Variants in MINDY2 observed in about 807,000 individuals in gnomAD.
MINDY2 encodes MINDY lysine 48 deubiquitinase 2.
A neutral mutation model predicts 68.2 loss-of-function variants in MINDY2; 52 were observed. That is an observed-to-expected ratio of 0.76 (90% CI 0.61 to 0.96). The LOEUF is 0.96. Ranked by LOEUF, MINDY2 falls within the 40% of genes least tolerant of loss-of-function variation. The pLI, the probability that MINDY2 is intolerant of heterozygous loss-of-function variation, is 0.00. For synonymous variants in MINDY2, 372 were observed against 303.0 expected (o/e 1.23, Z -2.36); for missense variants, 881 against 773.4 (o/e 1.14, Z -1.65).
chr15:58,776,443 G>T (rs1900778445), intron 1 of MINDY2, among the ~76,000 whole-genome samples: 1 of 152,164 alleles, frequency 6.6e-6, no homozygotes, highest in African/African-American at 2.4e-5. Flanking sequence ...GGCACAATTT[G>T]AGATGTGGAA....
At chr15:58,809,235 C>T (rs1321945591) in intron 3 of MINDY2, among the ~76,000 whole-genome samples, 1 of 152,008 alleles carries the variant, frequency 6.6e-6, no homozygotes, top group Admixed American at 6.6e-5. Flanking sequence ...CCCTTTTCCA[C>T]TTCCCCCAGT....
At chr15:58,822,840 A>T (rs1374915113) in intron 5 of MINDY2, among the ~76,000 whole-genome samples, 2 of 152,194 alleles carry the variant, frequency 1.3e-5, no homozygotes, top group Admixed American at 1.3e-4. Context: ...GAAACAAAAG[A>T]GAAAGAGAAA....
chr15:58,785,161 A>AAAAAG (rs144911267), intron 1 of MINDY2, among the ~76,000 whole-genome samples: 26,556 of 143,626 alleles, frequency 0.18, 2,928 homozygotes, highest in East Asian at 0.49. Flanking sequence ...AAAAAAAAGA[A>AAAAAG]AAGCAAGCTT....
chr15:58,785,901 A>G (rs1487850086), intron 1 of MINDY2, among the ~76,000 whole-genome samples: 1 of 151,822 alleles, frequency 6.6e-6, no homozygotes, highest in Non-Finnish European at 1.5e-5. Flanking sequence ...CTCGTCTCGT[A>G]CTCCTGACCT....
intron 2 of MINDY2, among the ~76,000 whole-genome samples, chr15:58,798,835 G>C (rs1315437313): frequency 6.6e-6 from 1 of 152,150 alleles, no homozygotes; most frequent in Non-Finnish European, 1.5e-5. Flanking sequence ...GGCTGTGTAA[G>C]TATACTCTAA....
chr15:58,798,113 T>C (rs1257692631), intron 2 of MINDY2, among the ~76,000 whole-genome samples: 14 of 152,080 alleles, frequency 9.2e-5, no homozygotes, highest in African/African-American at 3.4e-4. Flanking sequence ...TGTGTTTTTC[T>C]TTCTTTTCTT....
At chr15:58,808,518 C>T (rs2029977929) in intron 3 of MINDY2, among the ~76,000 whole-genome samples, 1 of 152,132 alleles carries the variant, frequency 6.6e-6, no homozygotes, top group Non-Finnish European at 1.5e-5. Flanking sequence ...TAAGTTTCCT[C>T]TGTGTCTTTT....
intron 2 of MINDY2, among the ~76,000 whole-genome samples, chr15:58,791,622 ATGTGTGTGTGTGTGTGTGTGTG>A (rs368688031): frequency 2.2e-5 from 3 of 136,752 alleles, no homozygotes; most frequent in East Asian, 2.1e-4. Context: ...GTCTCAAAAT[ATGTGTGTGTGTGTGTGTGTGTG>A]TGTGTGTGTG....
chr15:58,773,859 A>C (rs536289460), intron 1 of MINDY2, among the ~76,000 whole-genome samples: 2 of 152,242 alleles, frequency 1.3e-5, no homozygotes, highest in African/African-American at 4.8e-5. Flanking sequence ...TGTTTATTAC[A>C]TGACAGAAGT....
intron 2 of MINDY2, among the ~76,000 whole-genome samples, chr15:58,789,979 G>A (rs1015088657): frequency 6.6e-6 from 1 of 151,434 alleles, no homozygotes. Context: ...GGGTTTCACT[G>A]TGTTTCCCAG....
chr15:58,842,486 A>G (rs1474627237), intron 6 of MINDY2, among the ~76,000 whole-genome samples: 1 of 152,182 alleles, frequency 6.6e-6, no homozygotes, highest in East Asian at 1.9e-4. Context: ...TTAAGTAACA[A>G]TCCATTAAGT....
intron 3 of MINDY2, among the ~76,000 whole-genome samples, chr15:58,804,938 G>T (rs1281992079): frequency 3.3e-5 from 5 of 152,146 alleles, no homozygotes; most frequent in Non-Finnish European, 7.3e-5. Context: ...GACCAATCCG[G>T]GTGTGATATA....
chr15:58,810,597 T>A (rs1389623373), intron 4 of MINDY2, among the ~76,000 whole-genome samples: 1 of 152,124 alleles, frequency 6.6e-6, no homozygotes, highest in Non-Finnish European at 1.5e-5. Flanking sequence ...AGGGCCCAAC[T>A]ACAAGGTTAG....
At chr15:58,825,135 T>C (rs1438458336) in intron 5 of MINDY2, among the ~76,000 whole-genome samples, 1 of 152,230 alleles carries the variant, frequency 6.6e-6, no homozygotes, top group Non-Finnish European at 1.5e-5. Flanking sequence ...GTGATAACTT[T>C]TTAAAAATTC....
At chr15:58,837,180 G>A (rs554650585) in intron 6 of MINDY2, among the ~76,000 whole-genome samples, 1 of 152,302 alleles carries the variant, frequency 6.6e-6, no homozygotes, top group Admixed American at 6.5e-5. Flanking sequence ...TCATCATTAA[G>A]ATTATTATTC....
At position 58,771,478 on chromosome 15, in the gene MINDY2, A is replaced by G; in HGVS notation, c.83A>G (p.Glu28Gly). The change falls in exon 1 of 9, where the codon GAA (glutamate) becomes GGA (glycine). Residue 28 changes from glutamate to glycine, a missense_variant. Physicochemically the swap from Glu to Gly is moderately conservative, Grantham distance 98 (BLOSUM62 -2). Coordinates refer to ENST00000559228, the MANE Select transcript of MINDY2 (RefSeq NM_001040450.3). ...GPASGTGSSQ[E>G]GLQETRLAAG... Reference sequence around the variant, plus strand: ...GCGTCAGGGACAGGTTCTTCGCAGGAAGGGCTACAGGAGACCAGGCTCGCC... The same window carrying G: ...GCGTCAGGGACAGGTTCTTCGCAGGGAGGGCTACAGGAGACCAGGCTCGCC... 3 of 1,612,422 alleles carry G rather than the reference A, an allele frequency of 1.9e-6. No homozygotes were observed. The highest frequency in any genetic ancestry group is 3.3e-5 in the Admixed American group (2 of 60,006).
intron 6 of MINDY2, 149 bp from the exon 7 acceptor site, chr15:58,847,148 A>G (rs2141059302): frequency 1.9e-6 from 1 of 518,630 alleles, no homozygotes. Context: ...TAAAATATCT[A>G]CTTGGTCTAT....
At chr15:58,825,885 C>T (rs1463792903) in intron 5 of MINDY2, among the ~76,000 whole-genome samples, 6 of 152,072 alleles carry the variant, frequency 3.9e-5, no homozygotes, top group African/African-American at 9.7e-5. Flanking sequence ...GGATTACAGG[C>T]GTGAGATGCC....
intron 5 of MINDY2, among the ~76,000 whole-genome samples, chr15:58,823,428 C>A (rs556135775): frequency 1.3e-5 from 2 of 152,126 alleles, no homozygotes; most frequent in Admixed American, 1.3e-4. Context: ...AATCCCAGCA[C>A]TTTGGGAGGC....
Sources: gnomAD v4.1 joint callset for allele counts (sites outside exome capture counted in the v4.1 genomes callset) on GRCh38, gnomAD v4.1.1 for gene constraint, MANE v1.5 for transcripts, NCBI Gene and HGNC (gene_info 2026-07-23, HGNC 2026-07-21) for gene names.